ELOA2: variants seen among roughly 807,000 people sequenced by gnomAD.
The protein encoded by ELOA2 is elongin A2, also known as elongin-A2.
For synonymous variants in ELOA2, 497 were observed against 398.8 expected (o/e 1.25, Z -2.94); for missense variants, 1,271 against 979.7 (o/e 1.30, Z -3.97).
At position 47,034,086 on chromosome 18, in the gene ELOA2, C is replaced by T. The variant is rs1291199987; in HGVS notation, c.1179G>A (p.Arg393=). 3 of 1,614,224 alleles carry T rather than the reference C, an allele frequency of 1.9e-6. No homozygotes were observed. Among genetic ancestry groups the T allele is most frequent in the East Asian group, 4.5e-5 (2 of 44,880 alleles). The change falls in exon 1 of 1, where the codon CGG becomes CGA. Residue 393 remains arginine, a synonymous_variant. Transcript: ENST00000332567. ...ATTTTCCAGTCTTTTTCTTTTGCTT[C>T]CGCAACTGATCGTAGGTGAGGTATT... The part of the protein sequence containing the change: ...CEKYLTYDQL[R]KQKKKTGKSA...
Position 47,032,841 on chromosome 18 carries a change from C to A in ELOA2, c.*162G>T, listed in dbSNP as rs1486706145. 3 of 1,419,848 alleles carry A rather than the reference C, an allele frequency of 2.1e-6. No individual in the cohort carries two copies. The highest frequency in any genetic ancestry group is 2.9e-5 in the African/African-American group (2 of 70,106). 88.0% of individuals were successfully genotyped at this position (1,419,848 alleles called of 1,614,324 possible). A position where few individuals can be genotyped will look rare whatever the true frequency, so the allele number is the denominator to read the frequency against. On this transcript the variant is annotated 3_prime_UTR_variant, in exon 1 of 1. Transcript: ENST00000332567. ...GGAGGTAGTGGCTGGGTGTGGGAGG[C>A]AAAATCACAGGGCCAGCACATGACA...
At position 47,035,381 on chromosome 18, in the gene ELOA2, C is replaced by T; in HGVS notation, c.-117G>A. 1 of 1,545,272 alleles carries T rather than the reference C, an allele frequency of 6.5e-7. No individual in the cohort carries two copies. Among genetic ancestry groups the T allele is most frequent in the South Asian group, 1.2e-5 (1 of 81,518 alleles). On this transcript the variant is annotated 5_prime_UTR_variant, in exon 1 of 1. Coordinates refer to ENST00000332567, the MANE Select transcript of ELOA2 (RefSeq NM_016427.3). The stretch of plus-strand genomic sequence containing the variant: ...CTGCCCGGTCGCCAGGCAGCGACCT[C>T]GGGATGTGGAGTCACAGCCTGGAGC...
Position 47,035,567 on chromosome 18 carries a change from G to A in ELOA2, c.-303C>T. 1.7e-6 allele frequency: 1 copy of A among 593,700 alleles called. No homozygotes were observed. Among genetic ancestry groups the A allele is most frequent in the South Asian group, 2.1e-5 (1 of 48,648 alleles). 36.8% of individuals were successfully genotyped at this position (593,700 alleles called of 1,614,324 possible). A position where few individuals can be genotyped will look rare whatever the true frequency, so the allele number is the denominator to read the frequency against. On this transcript the variant is annotated 5_prime_UTR_variant, in exon 1 of 1. Transcript: ENST00000332567. ...GAATGAAGCTCTGGTGCCAGAGCTGGGCCTTATGTAGCCCATCCCAGGCTG... is the reference window on the plus strand; with the variant it reads ...GAATGAAGCTCTGGTGCCAGAGCTGAGCCTTATGTAGCCCATCCCAGGCTG...
In ELOA2 at chr18:47,033,437, G is replaced by T; in HGVS notation, c.1828C>A (p.Arg610=). Reference sequence around the variant, plus strand: ...CGCTGCTCTGGGGCGTCCGGAAGCCGCAGGTACTGCTCCCTCCAAGTTTTG... The same window carrying T: ...CGCTGCTCTGGGGCGTCCGGAAGCCTCAGGTACTGCTCCCTCCAAGTTTTG... ...ENKTWREQYL[R]LPDAPEQRLR... Residue 610 remains arginine (R), a synonymous_variant, in exon 1 of 1, where the codon CGG becomes AGG. Transcript: ENST00000332567. 3 of 1,614,136 alleles carry T rather than the reference G, an allele frequency of 1.9e-6. No individual in the cohort carries two copies. Among genetic ancestry groups the T allele is most frequent in the Non-Finnish European group, 1.7e-6 (2 of 1,180,028 alleles).
At position 47,032,968 on chromosome 18, in the gene ELOA2, C is replaced by A. The variant is rs760642613; in HGVS notation, c.*35G>T. ...GCATTGACTTTGCCAATGCAAAAAT[C>A]CCCCCAGATTTTATCTGCAAGGCAA... On this transcript the variant is annotated 3_prime_UTR_variant, in exon 1 of 1. Coordinates refer to ENST00000332567, the MANE Select transcript of ELOA2 (RefSeq NM_016427.3). The A allele has an allele frequency of 1.2e-5, 20 of 1,613,350 alleles. No homozygotes were observed. The highest frequency in any genetic ancestry group is 1.5e-5 in the Non-Finnish European group (18 of 1,179,962).
Position 47,033,810 on chromosome 18 carries a change from G to C in ELOA2, c.1455C>G (p.Ser485=). ...AAGAGAGTGCTTCTGGCTTTGCCTG[G>C]GAGGTCATGGAGTCAGAATCCGAAA... is the stretch of plus-strand genomic sequence containing the variant. The part of the protein sequence containing the change: ...DPLSDSDSMT[S]QAKPEALSSP... Residue 485 remains serine (S), a synonymous_variant, in exon 1 of 1, where the codon TCC becomes TCG. Transcript: ENST00000332567. 6.2e-7 allele frequency: 1 copy of C among 1,614,208 alleles called. No homozygotes were observed. The highest frequency in any genetic ancestry group is 1.1e-5 in the South Asian group (1 of 91,082).
chr18:47,034,098 G>T, the ELOA2 span: 3 of 1,614,080 alleles, frequency 1.9e-6, no homozygotes, highest in African/African-American at 1.3e-5. Context: ...GCAACTGATC[G>T]TAGGTGAGGT....
chr18:47,035,024 G>C lies in ELOA2; in HGVS notation c.241C>G (p.Arg81Gly). Reference sequence around the variant, plus strand: ...TCCTGTGGGCCAGGCCGGGTGTTTCGGTCCACGAGCACCAGCTTCTTCCAC... The same window carrying C: ...TCCTGTGGGCCAGGCCGGGTGTTTCCGTCCACGAGCACCAGCTTCTTCCAC... ...ARWKKLVLVD[R>G]NTRPGPQDPE... is the part of the protein sequence containing the mutation. The change falls in exon 1 of 1, where the codon CGA becomes GGA. Residue 81 changes from arginine to glycine, a missense_variant. Physicochemically the swap from Arg to Gly is moderately radical, Grantham distance 125 (BLOSUM62 -2). Transcript: ENST00000332567. The C allele has an allele frequency of 6.2e-7, 1 of 1,611,632 alleles. No homozygotes were observed. Among genetic ancestry groups the C allele is most frequent in the South Asian group, 1.1e-5 (1 of 90,962 alleles).
In ELOA2 at chr18:47,034,456, C is replaced by G; in HGVS notation, c.809G>C (p.Ser270Thr). 3.1e-6 allele frequency: 5 copies of G among 1,614,186 alleles called. No individual in the cohort carries two copies. ...GTCCGAAGGCTGCCTGTCCCTGGCA[C>G]TTGCCCAGGAGGGCATCCTTGGGGT... Reference protein sequence around the residue: ...EETPRMPSWASARDRQPSDFK... With the variant: ...EETPRMPSWATARDRQPSDFK... The change falls in exon 1 of 1, where the codon AGT becomes ACT. Residue 270 changes from serine to threonine, a missense_variant. Coordinates refer to ENST00000332567, the MANE Select transcript of ELOA2 (RefSeq NM_016427.3).
Position 47,033,341 on chromosome 18 carries a change from T to C in ELOA2, c.1924A>G (p.Ile642Val), listed in dbSNP as rs148904401. The C allele has an allele frequency of 6.2e-7, 1 of 1,613,978 alleles. No homozygotes were observed. The highest frequency in any genetic ancestry group is 8.5e-7 in the Non-Finnish European group (1 of 1,180,048). Residue 642 changes from isoleucine to valine, a missense_variant, in exon 1 of 1, where the codon ATC (isoleucine) becomes GTC (valine). Coordinates refer to ENST00000332567, the MANE Select transcript of ELOA2 (RefSeq NM_016427.3). ...GTCTTGGCCACAGATTTGAAACAGATCATCTTTGCCTCTCTGCCGTTGGGG... is the reference window on the plus strand; with the variant it reads ...GTCTTGGCCACAGATTTGAAACAGACCATCTTTGCCTCTCTGCCGTTGGGG... Reference protein sequence around the residue: ...NNPNGREAKMICFKSVAKTPY... With the variant: ...NNPNGREAKMVCFKSVAKTPY...
In ELOA2 at chr18:47,033,912, C is replaced by T. The variant is rs1331266584; in HGVS notation, c.1353G>A (p.Pro451=). Residue 451 remains proline, a synonymous_variant, in exon 1 of 1, where the codon CCG becomes CCA. Transcript: ENST00000332567. The part of the protein sequence containing the change: ...LQAAGADSAG[P]KTVPSHVFSE... ...AGAAGACATGGCTGGGCACCGTTTT[C>T]GGCCCGGCGGAATCAGCGCCGGCCG... 2.5e-6 allele frequency: 4 copies of T among 1,613,104 alleles called. No homozygotes were observed. The highest frequency in any genetic ancestry group is 3.4e-6 in the Non-Finnish European group (4 of 1,180,032).
At position 47,034,760 on chromosome 18, in the gene ELOA2, G is replaced by A. The variant is rs148724194; in HGVS notation, c.505C>T (p.Arg169Trp). The stretch of plus-strand genomic sequence containing the variant: ...GGAGCTGTGCGCGTTGGAGAGGCCC[G>A]ATAGCGGCCGGAATCAGCTGGGGCT... ...RIAPADSGRY[R>W]ASPTRTAPLR... The change falls in exon 1 of 1, where the codon CGG (arginine) becomes TGG (tryptophan). Residue 169 changes from arginine (R) to tryptophan (W), a missense_variant. Transcript: ENST00000332567. 3 of 1,612,702 alleles carry A rather than the reference G, an allele frequency of 1.9e-6. 1 individual carries two copies. The highest frequency in any genetic ancestry group is 2.5e-6 in the Non-Finnish European group (3 of 1,179,742).
rs555215537 is a variant in ELOA2 at position 47,035,447 on chromosome 18, G to A, written c.-183C>T. ...AGCAGCAGGCCACTTGGTCTGGAAC[G>A]GCCGTCCTTGCAGACAGCTGAGCAG... On this transcript the variant is annotated 5_prime_UTR_variant, in exon 1 of 1. Transcript: ENST00000332567. The A allele has an allele frequency of 3.0e-6, 4 of 1,331,990 alleles. No homozygotes were observed. Among genetic ancestry groups the A allele is most frequent in the East Asian group, 2.5e-5 (1 of 39,724 alleles). The allele number at this position is 1,331,990 out of a possible 1,614,324, so 82.5% of individuals were successfully genotyped here. A position where few individuals can be genotyped will look rare whatever the true frequency, so the allele number is the denominator to read the frequency against.
Position 47,034,541 on chromosome 18 carries a change from C to A in ELOA2, c.724G>T (p.Asp242Tyr). The A allele has an allele frequency of 6.2e-7, 1 of 1,614,244 alleles. No homozygotes were observed. The highest frequency in any genetic ancestry group is 8.5e-7 in the Non-Finnish European group (1 of 1,180,040). The change falls in exon 1 of 1, where the codon GAT (aspartate) becomes TAT (tyrosine). Residue 242 changes from aspartate to tyrosine, a missense_variant. Transcript: ENST00000332567. The stretch of plus-strand genomic sequence containing the variant: ...CTGATCAAAGTAGGGGAGTGCCAAT[C>A]TCCCTGGGCACACAAGGGGCGTTTT... ...QEKRPLCAQG[D>Y]WHSPTLIREK...
In ELOA2 at chr18:47,032,958, A is replaced by G. The variant is rs773285567; in HGVS notation, c.*45T>C. 8 of 1,613,120 alleles carry G rather than the reference A, an allele frequency of 5.0e-6. No homozygotes were observed. In the South Asian group the frequency reaches 7.7e-5, roughly 16 times the overall value. ...TCCCCAACCCGCATTGACTTTGCCA[A>G]TGCAAAAATCCCCCCAGATTTTATC... On this transcript the variant is annotated 3_prime_UTR_variant, in exon 1 of 1. Coordinates refer to ENST00000332567, the MANE Select transcript of ELOA2 (RefSeq NM_016427.3).
Position 47,035,283 on chromosome 18 carries a change from G to T in ELOA2, c.-19C>A. The T allele has an allele frequency of 6.2e-7, 1 of 1,612,304 alleles. No homozygotes were observed. The highest frequency in any genetic ancestry group is 8.5e-7 in the Non-Finnish European group (1 of 1,179,774). ...CCGCCATCTCACCAGAGCTGTGCAG[G>T]CGTCGCTGTCCCGGCGGTCGCAGCT... On this transcript the variant is annotated 5_prime_UTR_variant, in exon 1 of 1. Transcript: ENST00000332567.
chr18:47,033,344 T>G lies in ELOA2; in HGVS notation c.1921A>C (p.Met641Leu), dbSNP rs765227696. ...TTGGCCACAGATTTGAAACAGATCA[T>G]CTTTGCCTCTCTGCCGTTGGGGTTG... is the stretch of plus-strand genomic sequence containing the variant. ...GNNPNGREAKMICFKSVAKTP... is the reference protein window; with the variant it reads ...GNNPNGREAKLICFKSVAKTP... Residue 641 changes from methionine to leucine, a missense_variant, in exon 1 of 1, where the codon ATG (methionine) becomes CTG (leucine). Met to Leu is a conservative substitution (Grantham distance 15). Transcript: ENST00000332567. The G allele has an allele frequency of 8.1e-6, 13 of 1,613,978 alleles. No individual in the cohort carries two copies. Among genetic ancestry groups the G allele is most frequent in the African/African-American group, 8.0e-5 (6 of 75,048 alleles).
chr18:47,034,224 T>C lies in ELOA2; in HGVS notation c.1041A>G (p.Gln347=). 6.2e-7 allele frequency: 1 copy of C among 1,613,944 alleles called. No individual in the cohort carries two copies. The highest frequency in any genetic ancestry group is 8.5e-7 in the Non-Finnish European group (1 of 1,179,794). Residue 347 remains glutamine (Q), a synonymous_variant, in exon 1 of 1, where the codon CAA becomes CAG. Transcript: ENST00000332567. ...AATGAGCAGTCGGTGGCTTCCCCTC[T>C]TGAGTCTCTCGGTCGTTGGAAAGCT... ...KEQLSNDRET[Q]EGKPPTAHLD...
chr18:47,034,770 G>C lies in ELOA2; in HGVS notation c.495C>G (p.Ser165=). 1 of 1,612,624 alleles carries C rather than the reference G, an allele frequency of 6.2e-7. No individual in the cohort carries two copies. Among genetic ancestry groups the C allele is most frequent in the Non-Finnish European group, 8.5e-7 (1 of 1,179,726 alleles). Reference sequence around the variant, plus strand: ...GCGTTGGAGAGGCCCGATAGCGGCCGGAATCAGCTGGGGCTATTCTGGGGC... The same window carrying C: ...GCGTTGGAGAGGCCCGATAGCGGCCCGAATCAGCTGGGGCTATTCTGGGGC... The part of the protein sequence containing the change: ...RKCPRIAPAD[S]GRYRASPTRT... The change falls in exon 1 of 1, where the codon TCC becomes TCG. Residue 165 remains serine, a synonymous_variant. Transcript: ENST00000332567.
Sources: gnomAD v4.1 joint callset for allele counts on GRCh38, gnomAD v4.1.1 for gene constraint, MANE v1.5 for transcripts, NCBI Gene and HGNC (gene_info 2026-07-23, HGNC 2026-07-21) for gene names.